Variants in GPR160 observed in about 807,000 individuals in gnomAD.
GPR160 encodes the protein probable G protein-coupled receptor 160.
GPR160 carries 2 observed loss-of-function variants against 2.6 expected under a neutral mutation model. That is an observed-to-expected ratio of 0.77 (90% CI 0.32 to 2.44). The LOEUF is 2.44. Ranked by LOEUF, GPR160 falls within the 30% of genes most tolerant of loss-of-function variation. The pLI is 0.11. For synonymous variants in GPR160, 130 were observed against 132.2 expected (o/e 0.98, Z 0.12); for missense variants, 351 against 383.6 (o/e 0.91, Z 0.71).
chr3:170,043,221 G>A (rs149590911), intron 2 of GPR160, among the ~76,000 whole-genome samples: 185 of 145,000 alleles, frequency 1.3e-3, no homozygotes, highest in African/African-American at 4.6e-3. Flanking sequence ...TTGCTTTGTT[G>A]CCCAGGCTGG....
chr3:170,065,161 TAA>T (rs1451940536), intron 2 of GPR160, among the ~76,000 whole-genome samples: 2 of 152,236 alleles, frequency 1.3e-5, no homozygotes, highest in African/African-American at 4.8e-5. Flanking sequence ...TTTTAAAAAA[TAA>T]AGTTTTATTT....
Position 170,083,893 on chromosome 3 carries a change from C to G in GPR160, c.-68-12C>G. The G allele has an allele frequency of 1.3e-6, 1 of 786,628 alleles. No individual in the cohort carries two copies. Among genetic ancestry groups the G allele is most frequent in the East Asian group, 2.9e-5 (1 of 34,180 alleles). 48.7% of individuals were successfully genotyped at this position (786,628 alleles called of 1,614,324 possible). A position where few individuals can be genotyped will look rare whatever the true frequency, so the allele number is the denominator to read the frequency against. ...AGGTAACATTAAGGTTTTCTTTTCA[C>G]TTTTTTTGCAGGGACAGAAAATGAA... On this transcript the variant is annotated splice_polypyrimidine_tract_variant and intron_variant, in intron 3 of 3. Transcript: ENST00000355897.
chr3:170,074,454 T>C (rs1424076940), intron 2 of GPR160, among the ~76,000 whole-genome samples: 1 of 151,986 alleles, frequency 6.6e-6, no homozygotes, highest in African/African-American at 2.4e-5. Context: ...GGGGTTGTTG[T>C]TGTTGTTTTT....
chr3:170,079,280 C>T (rs148587268), intron 2 of GPR160, among the ~76,000 whole-genome samples: 174 of 152,326 alleles, frequency 1.1e-3, no homozygotes, highest in African/African-American at 4.0e-3. Flanking sequence ...GTCTGTGGGA[C>T]AGACCCGGCA....
At position 170,075,509 on chromosome 3, in the gene GPR160, C is replaced by T. The variant is rs867008503; in HGVS notation, c.-192-4265C>T. ...AGGTTTATTTCTTGCTCATACTATA[C>T]ACCCATTGTGAATCGCCAGGGGCTT... On this transcript the variant is annotated intron_variant, in intron 2 of 3. Transcript: ENST00000355897. Among the ~76,000 whole-genome samples the T allele has an allele frequency of 3.3e-5, 5 of 152,304 alleles. No individual in the cohort carries two copies. In the South Asian group the frequency reaches 1.0e-3, roughly 32 times the overall value.
intron 2 of GPR160, among the ~76,000 whole-genome samples, chr3:170,074,169 A>G (rs942948974): frequency 4.3e-4 from 65 of 152,206 alleles, no homozygotes; most frequent in African/African-American, 1.3e-3. Context: ...GATTACAGGC[A>G]TGAGCCACCA....
intron 3 of GPR160, chr3:170,083,370 A>G (rs1713235856): frequency 6.6e-6 from 1 of 152,008 alleles, no homozygotes; most frequent in Admixed American, 6.6e-5. Context: ...TTTAGCTGAA[A>G]CCACCTGTTT....
intron 2 of GPR160, chr3:170,057,524 A>T (rs1195713844): frequency 6.6e-6 from 1 of 152,278 alleles, no homozygotes; most frequent in African/African-American, 2.4e-5. Context: ...GCCAGGCTCC[A>T]GGGAATGTAA....
intron 2 of GPR160, among the ~76,000 whole-genome samples, chr3:170,060,490 A>C (rs1711881534): frequency 6.6e-6 from 1 of 152,206 alleles, no homozygotes; most frequent in Admixed American, 6.5e-5. Context: ...GGACGAGGCG[A>C]GGTGGCTCAT....
chr3:170,069,705 C>A (rs1712500620), intron 2 of GPR160, among the ~76,000 whole-genome samples: 1 of 152,188 alleles, frequency 6.6e-6, no homozygotes, highest in East Asian at 1.9e-4. Context: ...AGCACACACA[C>A]TGCATTATGT....
chr3:170,065,329 T>C (rs1413021386), intron 2 of GPR160, among the ~76,000 whole-genome samples: 2 of 152,214 alleles, frequency 1.3e-5, no homozygotes, highest in African/African-American at 4.8e-5. Context: ...TTTTGGTATG[T>C]TCAAAGATAT....
rs1385844571 is a variant in GPR160 at position 170,080,493 on chromosome 3, C to T, written c.-69+596C>T. ...CATGTCGGACTTGTCTTCTTTATTC[C>T]AGTCATCTTCTGAAGAGGTTCTTGG... On this transcript the variant is annotated intron_variant, in intron 3 of 3. Transcript: ENST00000355897. 2.6e-5 allele frequency among the ~76,000 whole-genome samples: 4 copies of T among 152,114 alleles called. No homozygotes were observed. In the East Asian group the frequency reaches 7.7e-4, roughly 29 times the overall value.
chr3:170,046,849 AGAACATGGAATG>A (rs1038667557), intron 2 of GPR160, among the ~76,000 whole-genome samples: 1 of 152,198 alleles, frequency 6.6e-6, no homozygotes, highest in African/African-American at 2.4e-5. Flanking sequence ...GCCAGAAATG[AGAACATGGAATG>A]GCCTTCATTT....
At position 170,045,408 on chromosome 3, in the gene GPR160, C is replaced by CAAAAAAAAAAAAAAAAAAAAAAAAAAA. The variant is rs368019452; in HGVS notation, c.-193+6378_-193+6404dup. Among the ~76,000 whole-genome samples, 3 of 33,658 alleles carry CAAAAAAAAAAAAAAAAAAAAAAAAAAA rather than the reference C, an allele frequency of 8.9e-5. 1 individual carries two copies. Among genetic ancestry groups the CAAAAAAAAAAAAAAAAAAAAAAAAAAA allele is most frequent in the Non-Finnish European group, 1.1e-4 (2 of 18,160 alleles). 22.1% of individuals were successfully genotyped at this position (33,658 alleles called of 152,430 possible). On this transcript the variant is annotated intron_variant, in intron 2 of 3. Coordinates refer to ENST00000355897, the MANE Select transcript of GPR160 (RefSeq NM_014373.3). The stretch of plus-strand genomic sequence containing the variant: ...TGAAACCCTGTCTCTACTAAAAATA[C>CAAAAAAAAAAAAAAAAAAAAAAAAAAA]AAAAAAAAAAAAAAAAAAAAAAAAA...
intron 2 of GPR160, chr3:170,062,811 G>A (rs779973544): frequency 7.7e-5 from 48 of 626,024 alleles, no homozygotes; most frequent in Non-Finnish European, 1.2e-4. Flanking sequence ...AAGAATAGAT[G>A]AATTGGTTGA....
intron 2 of GPR160, among the ~76,000 whole-genome samples, chr3:170,069,353 G>A (rs925779458): frequency 6.6e-6 from 1 of 152,174 alleles, no homozygotes; most frequent in African/African-American, 2.4e-5. Flanking sequence ...ATTGGGTTGC[G>A]ACTCTGCTTT....
intron 2 of GPR160, among the ~76,000 whole-genome samples, chr3:170,074,226 G>A (rs900148686): frequency 3.3e-5 from 5 of 151,870 alleles, no homozygotes; most frequent in East Asian, 1.9e-4. Flanking sequence ...TCTTTTGGAC[G>A]GAGTTTCGGT....
chr3:170,067,480 A>AT (rs1296145885), intron 2 of GPR160, among the ~76,000 whole-genome samples: 5 of 151,786 alleles, frequency 3.3e-5, no homozygotes, highest in African/African-American at 4.8e-5. Flanking sequence ...ATATTTTACC[A>AT]TTTTTTTTCT....
chr3:170,057,142 TTATAA>T (rs756100296), intron 2 of GPR160, among the ~76,000 whole-genome samples: 10 of 152,158 alleles, frequency 6.6e-5, no homozygotes, highest in Non-Finnish European at 1.2e-4. Context: ...GCAAAGGTAG[TTATAA>T]TATAAAAAGG....
Sources: gnomAD v4.1 joint callset for allele counts (sites outside exome capture counted in the v4.1 genomes callset) on GRCh38, gnomAD v4.1.1 for gene constraint, MANE v1.5 for transcripts, NCBI Gene and HGNC (gene_info 2026-07-23, HGNC 2026-07-21) for gene names.